Variants in ENOX2 observed in about 807,000 individuals in gnomAD.
ENOX2 encodes the protein ecto-NOX disulfide-thiol exchanger 2, also known as APK1 antigen.
Under a neutral mutation model 45.0 loss-of-function variants are expected in ENOX2, and 36 were observed. That is an observed-to-expected ratio of 0.80 (90% CI 0.61 to 1.06). The LOEUF (loss-of-function observed/expected upper bound fraction) is 1.06. Among genes scored for constraint, ENOX2 ranks in the 50% least tolerant of loss-of-function variants. ENOX2 has a pLI of 0.00. For synonymous variants in ENOX2, 174 were observed against 152.3 expected (o/e 1.14, Z -1.05); for missense variants, 423 against 462.5 (o/e 0.91, Z 0.78).
At chrX:130,756,454 T>C (rs2039357801) in intron 3 of ENOX2, among the ~76,000 whole-genome samples, 1 of 112,009 alleles carries the variant, frequency 8.9e-6, no homozygotes, top group African/African-American at 3.2e-5. Context: ...TTCTTGGAAA[T>C]GCTGCTCATG....
At chrX:130,865,171 T>C (rs751209127) in intron 2 of ENOX2, among the ~76,000 whole-genome samples, 55 of 111,284 alleles carry the variant, frequency 4.9e-4, no homozygotes, top group African/African-American at 1.7e-3. Context: ...TGATTATAAC[T>C]ATTTAAATTC....
At chrX:130,670,289 ACAT>A in intron 6 of ENOX2, 91 bp from the exon 7 acceptor site, 1 of 623,913 alleles carries the variant, frequency 1.6e-6, no homozygotes, top group Non-Finnish European at 2.6e-6. Context: ...AGAGAGAGAG[ACAT>A]GAAAGACTAT....
chrX:130,736,344 G>C (rs2038859830), intron 3 of ENOX2, among the ~76,000 whole-genome samples: 2 of 109,134 alleles, frequency 1.8e-5, no homozygotes, highest in Admixed American at 1.9e-4. Context: ...GGGTGACAGA[G>C]TGAGACTCCA....
intron 2 of ENOX2, among the ~76,000 whole-genome samples, chrX:130,823,873 T>A (rs1295692389): frequency 1.8e-5 from 2 of 112,128 alleles, no homozygotes; most frequent in Admixed American, 9.5e-5. Flanking sequence ...ACTACAGATG[T>A]GTACGAAAAG....
intron 2 of ENOX2, among the ~76,000 whole-genome samples, chrX:130,798,139 G>C (rs1339624020): frequency 8.9e-6 from 1 of 111,915 alleles, no homozygotes; most frequent in Non-Finnish European, 1.9e-5. Flanking sequence ...CAGGTGGCCA[G>C]GCATGGTGGC....
At chrX:130,699,078 G>A (rs910408570) in intron 4 of ENOX2, among the ~76,000 whole-genome samples, 1 of 112,252 alleles carries the variant, frequency 8.9e-6, no homozygotes, top group Non-Finnish European at 1.9e-5. Flanking sequence ...ACTCTATTGG[G>A]TTCCACTAAC....
intron 10 of ENOX2, chrX:130,646,046 C>T: frequency 3.6e-6 from 2 of 561,576 alleles, no homozygotes; most frequent in Non-Finnish European, 6.5e-6. Context: ...ACGTCAACGT[C>T]CCTAGCACAA....
intron 2 of ENOX2, among the ~76,000 whole-genome samples, chrX:130,887,730 T>G (rs769453337): frequency 8.9e-6 from 1 of 111,817 alleles, no homozygotes; most frequent in African/African-American, 3.2e-5. Flanking sequence ...CGGGATTTCA[T>G]ACATCAGTGC....
At chrX:130,887,415 C>A (rs906259085) in intron 2 of ENOX2, among the ~76,000 whole-genome samples, 1 of 105,239 alleles carries the variant, frequency 9.5e-6, no homozygotes, top group Non-Finnish European at 1.9e-5. Context: ...TTAGATCTGA[C>A]GCTTCTGTTT....
At chrX:130,835,999 C>A (rs1422736218) in intron 2 of ENOX2, among the ~76,000 whole-genome samples, 1 of 112,315 alleles carries the variant, frequency 8.9e-6, no homozygotes, top group Non-Finnish European at 1.9e-5. Flanking sequence ...TTTGAACTCT[C>A]CTTCACCATC....
chrX:130,708,163 C>T (rs191142563), intron 3 of ENOX2, among the ~76,000 whole-genome samples: 1 of 112,110 alleles, frequency 8.9e-6, no homozygotes, highest in East Asian at 2.8e-4. Flanking sequence ...AAAATGAAAG[C>T]ATCTACCTTA....
chrX:130,865,845 ATATCCTAATAGCCGTAGATCC>A (rs2078486181), intron 2 of ENOX2, among the ~76,000 whole-genome samples: 1 of 111,082 alleles, frequency 9.0e-6, no homozygotes, highest in Non-Finnish European at 1.9e-5. Context: ...TCCTCCTATC[ATATCCTAATAGCCGTAGATCC>A]TAAGATTTGG....
At chrX:130,810,105 A>C (rs2077367394) in intron 2 of ENOX2, among the ~76,000 whole-genome samples, 1 of 110,563 alleles carries the variant, frequency 9.0e-6, no homozygotes, top group Admixed American at 9.6e-5. Context: ...CATGCAGCAC[A>C]GTATGGAAAG....
intron 3 of ENOX2, among the ~76,000 whole-genome samples, chrX:130,763,798 T>C (rs2039550056): frequency 9.0e-6 from 1 of 111,293 alleles, no homozygotes; most frequent in African/African-American, 3.3e-5. Flanking sequence ...TTGATGTGCC[T>C]CATTAAAGCT....
intron 10 of ENOX2, among the ~76,000 whole-genome samples, chrX:130,641,738 A>C (rs903945706): frequency 2.7e-5 from 3 of 109,481 alleles, no homozygotes; most frequent in African/African-American, 9.9e-5. Context: ...AAAAAAAAAA[A>C]AAAGAGAGAA....
At chrX:130,765,792 A>T (rs1418284584) in intron 3 of ENOX2, among the ~76,000 whole-genome samples, 1 of 111,814 alleles carries the variant, frequency 8.9e-6, no homozygotes, top group Non-Finnish European at 1.9e-5. Flanking sequence ...CTTTCAGAGA[A>T]AATGCCAAAA....
In ENOX2 at chrX:130,751,325, T is replaced by A. The variant is rs75645156; in HGVS notation, c.-39+32222A>T. Among the ~76,000 whole-genome samples the A allele has an allele frequency of 4.7e-3, 532 of 112,253 alleles. 5 individuals carry two copies. Among genetic ancestry groups the A allele is most frequent in the African/African-American group, 0.017 (513 of 30,977 alleles). On this transcript the variant is annotated intron_variant, in intron 3 of 14. Transcript: ENST00000394363. ...TGTGACATTATGTGTCCAGCTTCTT[T>A]CTCTCAGAATAATGTTTTCTAGGTT...
At chrX:130,822,545 C>A (rs1250506087) in intron 2 of ENOX2, among the ~76,000 whole-genome samples, 1 of 110,393 alleles carries the variant, frequency 9.1e-6, no homozygotes, top group East Asian at 2.8e-4. Flanking sequence ...CCAAACACCG[C>A]ATGTTCTCAC....
At chrX:130,720,122 C>T (rs147883381) in intron 3 of ENOX2, among the ~76,000 whole-genome samples, 121 of 112,239 alleles carry the variant, frequency 1.1e-3, no homozygotes, top group African/African-American at 3.4e-3. Flanking sequence ...TGAGTACTAA[C>T]GATAATGGGT....
Sources: allele counts gnomAD v4.1 joint callset (sites outside exome capture counted in the v4.1 genomes callset), GRCh38; gene constraint gnomAD v4.1.1; transcripts MANE v1.5; gene names NCBI Gene and HGNC (gene_info 2026-07-23, HGNC 2026-07-21).